GABRB1: variants seen among roughly 807,000 people sequenced by gnomAD.
GABRB1 encodes the protein gamma-aminobutyric acid type A receptor subunit beta1, also known as gamma-aminobutyric acid receptor subunit beta-1.
In GABRB1, 17 loss-of-function variants were observed where a neutral mutation model predicts 51.6. The ratio of observed to expected loss-of-function variants is 0.33; its 90% CI spans 0.23 to 0.49. GABRB1 has a LOEUF of 0.49. GABRB1 is among the 20% of genes least tolerant of loss of function. The probability of loss-of-function intolerance (pLI) is 0.99; values close to 1 mark genes in which losing one functional copy is unlikely to be tolerated. For synonymous variants in GABRB1, 247 were observed against 218.9 expected (o/e 1.13, Z -1.14); for missense variants, 410 against 600.6 (o/e 0.68, Z 3.32).
chr4:47,072,365 G>A (rs1408348612), intron 3 of GABRB1, among the ~76,000 whole-genome samples: 1 of 152,116 alleles, frequency 6.6e-6, no homozygotes, highest in Non-Finnish European at 1.5e-5. Flanking sequence ...AGGAGTTAGA[G>A]TTTAATATTT....
intron 5 of GABRB1, among the ~76,000 whole-genome samples, chr4:47,343,542 A>G (rs534647015): frequency 1.2e-4 from 18 of 152,338 alleles, no homozygotes; most frequent in African/African-American, 4.3e-4. Flanking sequence ...AATGCTGTGA[A>G]AATCCCCTGC....
chr4:47,269,770 C>A lies in GABRB1; in HGVS notation c.462-50357C>A, dbSNP rs551675870. ...TGTATTAACTCTTTAATTCTCACCA[C>A]AAGCATTTCCGTTATACTGATAAAG... On this transcript the variant is annotated intron_variant, in intron 4 of 8. Coordinates refer to ENST00000295454, the MANE Select transcript of GABRB1 (RefSeq NM_000812.4). Among the ~76,000 whole-genome samples, 6 of 152,258 alleles carry A rather than the reference C, an allele frequency of 3.9e-5. No homozygotes were observed. The East Asian group carries it at 1.2e-3, about 29-fold the overall frequency.
At chr4:47,179,460 C>G (rs1718852855) in intron 4 of GABRB1, among the ~76,000 whole-genome samples, 2 of 152,040 alleles carry the variant, frequency 1.3e-5, no homozygotes, top group Admixed American at 1.3e-4. Context: ...ATAAATCATT[C>G]TACTGTGAAG....
chr4:47,357,736 T>C (rs1219461941), intron 5 of GABRB1, among the ~76,000 whole-genome samples: 1 of 152,162 alleles, frequency 6.6e-6, no homozygotes. Flanking sequence ...GAGGTATTCC[T>C]GAGACCAGTT....
chr4:47,353,945 A>AAC (rs139163175), intron 5 of GABRB1, among the ~76,000 whole-genome samples: 42 of 151,382 alleles, frequency 2.8e-4, no homozygotes, highest in African/African-American at 6.3e-4. Context: ...CACACACACA[A>AAC]ACACACACAC....
At chr4:47,416,840 A>T (rs1250277953) in intron 8 of GABRB1, among the ~76,000 whole-genome samples, 1 of 152,106 alleles carries the variant, frequency 6.6e-6, no homozygotes, top group Non-Finnish European at 1.5e-5. Context: ...TTCTATGTAG[A>T]GAAAGGACCA....
chr4:47,333,137 ATATAT>A lies in GABRB1; in HGVS notation c.544+12935_544+12939del, dbSNP rs1223797575. On this transcript the variant is annotated intron_variant, in intron 5 of 8. Transcript: ENST00000295454. ...ATATTTATAAATATATTTATATAAT[ATATAT>A]TATATTTATATATTTAAAAATATAT... Among the ~76,000 whole-genome samples, 13 of 145,666 alleles carry A rather than the reference ATATAT, an allele frequency of 8.9e-5. 2 individuals carry two copies. In the South Asian group the frequency reaches 2.7e-3, roughly 31 times the overall value.
At chr4:47,072,935 T>C (rs1355357007) in intron 3 of GABRB1, among the ~76,000 whole-genome samples, 2 of 152,186 alleles carry the variant, frequency 1.3e-5, no homozygotes, top group Non-Finnish European at 2.9e-5. Context: ...TTATTTAGTA[T>C]TTACTTAATA....
In GABRB1 at chr4:47,385,585, G is replaced by A. The variant is rs191688882; in HGVS notation, c.545-17733G>A. ...ACTCACAACATTTCTGACACCAAAT[G>A]TTTGGGTTTGCCTCACACCAACCAA... On this transcript the variant is annotated intron_variant, in intron 5 of 8. Transcript: ENST00000295454. Among the ~76,000 whole-genome samples, 43 of 152,248 alleles carry A rather than the reference G, an allele frequency of 2.8e-4. 1 individual carries two copies. In the East Asian group the frequency reaches 7.1e-3, roughly 25 times the overall value.
intron 4 of GABRB1, among the ~76,000 whole-genome samples, chr4:47,280,050 T>C (rs1723225147): frequency 6.6e-6 from 1 of 152,100 alleles, no homozygotes; most frequent in Non-Finnish European, 1.5e-5. Flanking sequence ...TTCTGGTTAA[T>C]TTGTAGATTC....
At chr4:47,091,322 A>G (rs1156244814) in intron 3 of GABRB1, among the ~76,000 whole-genome samples, 1 of 152,072 alleles carries the variant, frequency 6.6e-6, no homozygotes, top group African/African-American at 2.4e-5. Flanking sequence ...CTTCTCTTAA[A>G]TTTTCTGATA....
intron 3 of GABRB1, among the ~76,000 whole-genome samples, chr4:47,039,250 T>C (rs553217302): frequency 5.3e-4 from 81 of 151,418 alleles, no homozygotes; most frequent in African/African-American, 2.0e-3. Flanking sequence ...AATGTATCTT[T>C]CCCTGTCTCT....
chr4:47,395,818 C>A (rs757230874), intron 5 of GABRB1, among the ~76,000 whole-genome samples: 48 of 152,122 alleles, frequency 3.2e-4, no homozygotes, highest in Non-Finnish European at 6.5e-4. Flanking sequence ...AGAGTTTTTT[C>A]ATACACCTAC....
intron 4 of GABRB1, among the ~76,000 whole-genome samples, chr4:47,180,593 G>A (rs1358995814): frequency 6.6e-6 from 1 of 151,920 alleles, no homozygotes; most frequent in Non-Finnish European, 1.5e-5. Context: ...TTATAAATTT[G>A]TTACCAAATT....
At chr4:47,389,201 T>C (rs1047371456) in intron 5 of GABRB1, among the ~76,000 whole-genome samples, 1 of 152,222 alleles carries the variant, frequency 6.6e-6, no homozygotes, top group African/African-American at 2.4e-5. Flanking sequence ...ACAATTTTCC[T>C]GGACATCACC....
intron 1 of GABRB1, among the ~76,000 whole-genome samples, chr4:47,018,677 C>G (rs1040160084): frequency 6.6e-6 from 1 of 151,912 alleles, no homozygotes; most frequent in African/African-American, 2.4e-5. Context: ...CATTCTTACA[C>G]TAAAATAAGC....
At chr4:47,235,410 G>A (rs932479747) in intron 4 of GABRB1, among the ~76,000 whole-genome samples, 3 of 152,136 alleles carry the variant, frequency 2.0e-5, no homozygotes, top group Non-Finnish European at 4.4e-5. Flanking sequence ...TTAGCTGGGC[G>A]TGGTGGCACA....
At chr4:47,400,391 G>C (rs1728334572) in intron 5 of GABRB1, among the ~76,000 whole-genome samples, 1 of 152,032 alleles carries the variant, frequency 6.6e-6, no homozygotes, top group African/African-American at 2.4e-5. Flanking sequence ...AGGGCTACTG[G>C]GTTCCTTATA....
At chr4:47,189,000 G>T (rs1719314413) in intron 4 of GABRB1, among the ~76,000 whole-genome samples, 1 of 151,996 alleles carries the variant, frequency 6.6e-6, no homozygotes, top group Non-Finnish European at 1.5e-5. Context: ...ATTTTTAGAA[G>T]GAGATAGAGT....
Sources: gnomAD v4.1 joint callset for allele counts (sites outside exome capture counted in the v4.1 genomes callset) on GRCh38, gnomAD v4.1.1 for gene constraint, MANE v1.5 for transcripts, NCBI Gene and HGNC (gene_info 2026-07-23, HGNC 2026-07-21) for gene names.